The following STK31 variants were observed in gnomAD, a reference collection of about 807,000 sequenced individuals.
STK31 encodes the protein serine/threonine-protein kinase 31.
In STK31, 89 loss-of-function variants were observed where a neutral mutation model predicts 129.7. That is an observed-to-expected ratio of 0.69 (90% CI 0.58 to 0.82). The LOEUF is 0.82. STK31 is among the 40% of genes least tolerant of loss of function. STK31 has a pLI of 0.00. For synonymous variants in STK31, 448 were observed against 395.3 expected (o/e 1.13, Z -1.58); for missense variants, 1,187 against 1,176.4 (o/e 1.01, Z -0.13).
intron 3 of STK31, 23 bp downstream of exon 3, chr7:23,712,309 T>G (rs1786022607): frequency 6.2e-7 from 1 of 1,612,734 alleles, no homozygotes; most frequent in Non-Finnish European, 8.5e-7. Context: ...CTGGTTGATA[T>G]CCCCCCTCAC....
intron 3 of STK31, among the ~76,000 whole-genome samples, chr7:23,717,097 CTTTTTTTT>C (rs70956911): frequency 5.4e-4 from 23 of 42,936 alleles, no homozygotes; most frequent in African/African-American, 1.2e-3. Flanking sequence ...TCGCAACCTG[CTTTTTTTT>C]TTTTTTTTTT....
intron 15 of STK31, among the ~76,000 whole-genome samples, chr7:23,779,274 C>T (rs999944019): frequency 2.0e-5 from 3 of 152,152 alleles, no homozygotes; most frequent in East Asian, 1.9e-4. Flanking sequence ...AGGTGTCTGT[C>T]GTCCCCTGCT....
At position 23,787,973 on chromosome 7, in the gene STK31, T is replaced by A. The variant is rs564511553; in HGVS notation, c.2488-7T>A. The A allele has an allele frequency of 9.7e-6, 15 of 1,540,640 alleles. No individual in the cohort carries two copies. The highest frequency in any genetic ancestry group is 1.3e-5 in the Non-Finnish European group (15 of 1,146,912). On this transcript the variant is annotated splice_region_variant and splice_polypyrimidine_tract_variant and intron_variant, in intron 20 of 23. Coordinates refer to ENST00000355870, the MANE Select transcript of STK31 (RefSeq NM_031414.5). ...TCCTCACTTCTTTTATGTGTACTTA[T>A]CTATAGGAAACTTTAAAGGTCATGA...
At chr7:23,771,241 C>A (rs1790172081) in intron 14 of STK31, 117 bp downstream of exon 14, 1 of 919,770 alleles carries the variant, frequency 1.1e-6, no homozygotes, top group Non-Finnish European at 1.5e-6. Context: ...TACTAGAATT[C>A]ACTGTCAACT....
At chr7:23,744,934 T>A (rs1788258123) in intron 8 of STK31, among the ~76,000 whole-genome samples, 1 of 152,218 alleles carries the variant, frequency 6.6e-6, no homozygotes, top group African/African-American at 2.4e-5. Context: ...TCCAGGAGTC[T>A]TGCTTGGGTG....
intron 22 of STK31, chr7:23,811,174 GA>G (rs1271380717): frequency 5.7e-6 from 1 of 174,034 alleles, no homozygotes; most frequent in Non-Finnish European, 1.2e-5. Flanking sequence ...CATCCATAAA[GA>G]AAATCACATA....
intron 10 of STK31, among the ~76,000 whole-genome samples, chr7:23,757,582 A>G (rs1284317956): frequency 2.0e-5 from 3 of 152,132 alleles, no homozygotes; most frequent in African/African-American, 7.2e-5. Flanking sequence ...TGCCGTCAGC[A>G]TGTCTCACCT....
At chr7:23,827,412 G>A (rs186480412) in intron 23 of STK31, among the ~76,000 whole-genome samples, 88 of 151,966 alleles carry the variant, frequency 5.8e-4, no homozygotes, top group Admixed American at 2.9e-3. Flanking sequence ...TTGTGCATTC[G>A]TCATGTATTT....
intron 22 of STK31, among the ~76,000 whole-genome samples, chr7:23,809,930 A>C (rs537496313): frequency 2.6e-5 from 4 of 152,132 alleles, no homozygotes; most frequent in Non-Finnish European, 5.9e-5. Flanking sequence ...TTGCCTCATG[A>C]TGCATTTCTG....
At chr7:23,787,126 A>G (rs1791333580) in intron 20 of STK31, among the ~76,000 whole-genome samples, 1 of 152,204 alleles carries the variant, frequency 6.6e-6, no homozygotes, top group African/African-American at 2.4e-5. Flanking sequence ...AGTGACTTGC[A>G]CAGGGTCCGT....
At chr7:23,741,614 A>T (rs762767558) in intron 8 of STK31, among the ~76,000 whole-genome samples, 6 of 152,186 alleles carry the variant, frequency 3.9e-5, no homozygotes, top group African/African-American at 1.2e-4. Context: ...CAGGTGCCCC[A>T]GTCTCTGACC....
intron 15 of STK31, 135 bp downstream of exon 15, chr7:23,772,413 T>TA (rs1302409602): frequency 2.3e-5 from 20 of 874,074 alleles, no homozygotes; most frequent in Non-Finnish European, 3.1e-5. Flanking sequence ...TTATATACTT[T>TA]ATCTTGTTTT....
At chr7:23,744,704 G>C (rs1236147221) in intron 8 of STK31, among the ~76,000 whole-genome samples, 1 of 152,146 alleles carries the variant, frequency 6.6e-6, no homozygotes, top group Admixed American at 6.5e-5. Context: ...GATTCCTTTG[G>C]ATGTGAATAG....
At chr7:23,821,163 G>A (rs1793765154) in intron 23 of STK31, among the ~76,000 whole-genome samples, 1 of 152,154 alleles carries the variant, frequency 6.6e-6, no homozygotes, top group African/African-American at 2.4e-5. Context: ...TAACTATCAA[G>A]TAGTGGGATT....
At chr7:23,755,851 C>T (rs1362721389) in intron 10 of STK31, among the ~76,000 whole-genome samples, 1 of 152,118 alleles carries the variant, frequency 6.6e-6, no homozygotes, top group Non-Finnish European at 1.5e-5. Context: ...CTCCATTGGT[C>T]TATATGTCTG....
chr7:23,731,442 C>T (rs2040143186), intron 6 of STK31, among the ~76,000 whole-genome samples: 1 of 152,168 alleles, frequency 6.6e-6, no homozygotes, highest in South Asian at 2.1e-4. Context: ...TTTTCCTCCC[C>T]TACAAGCTTA....
chr7:23,766,917 T>G (rs1789863291), intron 11 of STK31, among the ~76,000 whole-genome samples: 1 of 152,154 alleles, frequency 6.6e-6, no homozygotes, highest in African/African-American at 2.4e-5. Context: ...AATACAATCT[T>G]TTTATCTTGT....
intron 22 of STK31, among the ~76,000 whole-genome samples, chr7:23,813,603 T>C (rs547404912): frequency 1.3e-5 from 2 of 152,300 alleles, no homozygotes; most frequent in South Asian, 2.1e-4. Context: ...TCAGAAACTT[T>C]TCAGTTATAT....
chr7:23,757,775 G>C (rs1028528847), intron 10 of STK31, among the ~76,000 whole-genome samples: 1 of 152,054 alleles, frequency 6.6e-6, no homozygotes, highest in African/African-American at 2.4e-5. Context: ...TGTCGGGCTG[G>C]GGGACGGTCA....
Sources: allele counts gnomAD v4.1 joint callset (sites outside exome capture counted in the v4.1 genomes callset), GRCh38; gene constraint gnomAD v4.1.1; transcripts MANE v1.5; gene names NCBI Gene and HGNC (gene_info 2026-07-23, HGNC 2026-07-21).